DRICH1: variants seen among roughly 807,000 people sequenced by gnomAD.
DRICH1 encodes the protein aspartate rich 1, also known as aspartate-rich protein 1.
In DRICH1, 38 loss-of-function variants were observed where a neutral mutation model predicts 39.5. The observed-to-expected ratio is 0.96, with a 90% CI of 0.74 to 1.26. The LOEUF (loss-of-function observed/expected upper bound fraction) is 1.26. DRICH1 is among the 50% of genes most tolerant of loss of function. The probability of loss-of-function intolerance (pLI) is 0.00; values close to 1 mark genes in which losing one functional copy is unlikely to be tolerated. For synonymous variants in DRICH1, 84 were observed against 99.5 expected (o/e 0.84, Z 0.93); for missense variants, 279 against 270.4 (o/e 1.03, Z -0.22).
At chr22:23,595,712 T>C in the DRICH1 span, among the ~76,000 whole-genome samples, 2 of 151,878 alleles carry the variant, frequency 1.3e-5, no homozygotes, top group Admixed American at 1.3e-4. Flanking sequence ...ATAGGAAAGG[T>C]CCCCTGTCCA....
At chr22:23,630,969 G>C (rs1928352576) in intron 1 of DRICH1, 1 of 152,234 alleles carries the variant, frequency 6.6e-6, no homozygotes, top group African/African-American at 2.4e-5. Flanking sequence ...GGGCCTGTCA[G>C]GGGGCAGGGG....
chr22:23,613,421 T>A, intron 10 of DRICH1, 91 bp from the exon 11 acceptor site: 1 of 1,123,140 alleles, frequency 8.9e-7, no homozygotes, highest in Non-Finnish European at 1.4e-6. Context: ...AGTGATGAGC[T>A]AGTCTCCCAC....
the DRICH1 span, among the ~76,000 whole-genome samples, chr22:23,597,581 C>T: frequency 2.0e-5 from 3 of 151,372 alleles, no homozygotes; most frequent in Admixed American, 6.6e-5. Flanking sequence ...GCCGTGTATG[C>T]GCCAGGCACT....
chr22:23,606,903 G>T (rs552979177), downstream of DRICH1: 1 of 152,502 alleles, frequency 6.6e-6, no homozygotes, highest in East Asian at 1.9e-4. Flanking sequence ...AGGCAGCTTC[G>T]TGGGGTGATG....
At chr22:23,628,554 A>T (rs966746997) in intron 1 of DRICH1, among the ~76,000 whole-genome samples, 1 of 152,194 alleles carries the variant, frequency 6.6e-6, no homozygotes, top group Non-Finnish European at 1.5e-5. Context: ...TGGGCAACAG[A>T]GTGAGACTCC....
the DRICH1 span, among the ~76,000 whole-genome samples, chr22:23,582,785 T>C: frequency 6.6e-6 from 1 of 152,022 alleles, no homozygotes; most frequent in Non-Finnish European, 1.5e-5. Flanking sequence ...GGTCCCGAAC[T>C]CCTGATCTCA....
chr22:23,584,319 C>T, the DRICH1 span, among the ~76,000 whole-genome samples: 2 of 152,164 alleles, frequency 1.3e-5, no homozygotes, highest in African/African-American at 4.8e-5. Flanking sequence ...CAGGTGACTG[C>T]CCCATCTAGT....
chr22:23,619,383 G>T lies in DRICH1; in HGVS notation c.417C>A (p.Tyr139Ter), dbSNP rs752074704. 1.4e-5 allele frequency: 11 copies of T among 780,536 alleles called. No homozygotes were observed. In the African/African-American group the frequency reaches 1.9e-4, roughly 13 times the overall value. 48.4% of individuals were successfully genotyped at this position (780,536 alleles called of 1,614,324 possible). The stretch of plus-strand genomic sequence containing the variant: ...ACTCACAAGAACTGCTATCAAACCG[G>T]TAACAGCCACCTGCGGAGAAATGGA... ...ILPSRVQGGCYRFDSSSCSSE... is the reference protein window; with the variant it reads ...ILPSRVQGGC Residue 139 changes from tyrosine to a stop codon, truncating the protein, a stop_gained, in exon 6 of 12, where the codon TAC (tyrosine) becomes TAA (stop). Transcript: ENST00000317749. LOFTEE classifies it high-confidence loss of function.
chr22:23,632,507 C>T (rs74434775), upstream of DRICH1, among the ~76,000 whole-genome samples: 335 of 152,308 alleles, frequency 2.2e-3, 1 homozygote, highest in African/African-American at 7.8e-3. Flanking sequence ...GTGGGGACTG[C>T]ACTACTCAGG....
chr22:23,595,473 G>A, the DRICH1 span, among the ~76,000 whole-genome samples: 3 of 151,968 alleles, frequency 2.0e-5, no homozygotes, highest in African/African-American at 7.3e-5. Context: ...AGAGTCACCC[G>A]AGCAATGACT....
the DRICH1 span, among the ~76,000 whole-genome samples, chr22:23,584,198 T>C: frequency 2.6e-5 from 4 of 152,320 alleles, no homozygotes; most frequent in East Asian, 1.9e-4. Context: ...TGTCCAGGCC[T>C]GGGCAGAGGA....
At chr22:23,629,742 C>T (rs1928280806) in intron 1 of DRICH1, among the ~76,000 whole-genome samples, 1 of 152,112 alleles carries the variant, frequency 6.6e-6, no homozygotes, top group Admixed American at 6.6e-5. Context: ...CTCAGCCACC[C>T]AAGTACCTAG....
the DRICH1 span, among the ~76,000 whole-genome samples, chr22:23,594,862 A>G: frequency 6.6e-6 from 1 of 151,834 alleles, no homozygotes; most frequent in African/African-American, 2.4e-5. Context: ...GACACCTCCC[A>G]ATCACACAGA....
At chr22:23,600,642 C>A in the DRICH1 span, among the ~76,000 whole-genome samples, 2 of 138,274 alleles carry the variant, frequency 1.4e-5, no homozygotes, top group Non-Finnish European at 3.1e-5. Context: ...CCCCCACTAG[C>A]CTCCCCTCTA....
At chr22:23,592,093 A>G in the DRICH1 span, among the ~76,000 whole-genome samples, 4,573 of 152,340 alleles carry the variant, frequency 0.03, 87 homozygotes, top group Middle Eastern at 0.078. Context: ...TTCAGGGAAC[A>G]CAGGAACGCA....
At chr22:23,581,543 T>G in the DRICH1 span, 2 of 152,126 alleles carry the variant, frequency 1.3e-5, no homozygotes, top group Non-Finnish European at 2.9e-5. Context: ...AGATAATGCA[T>G]GTCAGTGTTG....
intron 8 of DRICH1, among the ~76,000 whole-genome samples, chr22:23,615,203 G>A (rs527238528): frequency 3.3e-5 from 5 of 152,014 alleles, no homozygotes; most frequent in South Asian, 4.1e-4. Flanking sequence ...GTAAAACCCC[G>A]TCTCTACTAA....
At chr22:23,591,243 A>T in the DRICH1 span, among the ~76,000 whole-genome samples, 3 of 152,116 alleles carry the variant, frequency 2.0e-5, no homozygotes, top group East Asian at 5.8e-4. Flanking sequence ...CCAAGCAGAG[A>T]TGTGGGGTCC....
chr22:23,611,391 CA>C (rs1927025802), intron 11 of DRICH1, among the ~76,000 whole-genome samples: 3 of 136,682 alleles, frequency 2.2e-5, no homozygotes, highest in Admixed American at 7.3e-5. Flanking sequence ...TATTTTCATT[CA>C]TTTTTTTTTT....
Sources: gnomAD v4.1 joint callset for allele counts (sites outside exome capture counted in the v4.1 genomes callset) on GRCh38, gnomAD v4.1.1 for gene constraint, MANE v1.5 for transcripts, NCBI Gene and HGNC (gene_info 2026-07-23, HGNC 2026-07-21) for gene names.